The following SCARA5 variants were observed in gnomAD, a reference collection of about 807,000 sequenced individuals.
SCARA5 encodes the protein scavenger receptor class A, member 5 (putative).
Under a neutral mutation model 46.3 loss-of-function variants are expected in SCARA5, and 45 were observed. That is an observed-to-expected ratio of 0.97 (90% CI 0.76 to 1.24). The LOEUF (loss-of-function observed/expected upper bound fraction) is 1.24. Ranked by LOEUF, SCARA5 falls within the 50% of genes most tolerant of loss-of-function variation. The pLI, the probability that SCARA5 is intolerant of heterozygous loss-of-function variation, is 0.00. For missense variants in SCARA5, 680 were observed against 689.0 expected (o/e 0.99, Z 0.15); for synonymous variants, 333 against 306.5 (o/e 1.09, Z -0.90).
At chr8:27,879,498 C>A in intron 8 of SCARA5, 71 bp downstream of exon 8, 1 of 1,464,710 alleles carries the variant, frequency 6.8e-7, no homozygotes, top group Admixed American at 1.7e-5. Context: ...GGGACTCGGG[C>A]TTTGGAGGTG....
rs61737292 is a variant in SCARA5, at chr8:27,922,095, G to A, written c.392C>T (p.Ala131Val). The change falls in exon 4 of 9, where the codon GCG becomes GTG. Residue 131 changes from alanine (A) to valine (V), a missense_variant. Ala to Val is a moderately conservative substitution (Grantham distance 64, BLOSUM62 0). Transcript: ENST00000354914. ...LTEQVWKVQD[A>V]LQNQSDSLLA... The stretch of plus-strand genomic sequence containing the variant: ...CAACGAGTCTGACTGGTTCTGCAGC[G>A]CGTCCTGCACCTTCCACACCTGCTC... 4.1e-3 allele frequency: 6,607 copies of A among 1,602,548 alleles called. 224 individuals carry two copies. The African/African-American group carries it at 0.078, about 19-fold the overall frequency.
intron 7 of SCARA5, among the ~76,000 whole-genome samples, chr8:27,898,039 G>A (rs1004728894): frequency 6.6e-6 from 1 of 152,192 alleles, no homozygotes; most frequent in East Asian, 1.9e-4. Flanking sequence ...CTCTGGCCAG[G>A]GATGCTGAAA....
rs1489036187 is a variant in SCARA5 at position 27,871,120 on chromosome 8, A to T, written c.*814T>A. On this transcript the variant is annotated 3_prime_UTR_variant, in exon 9 of 9. Coordinates refer to ENST00000354914, the MANE Select transcript of SCARA5 (RefSeq NM_173833.6). ...TAGCTCAGGCCAAGTAAAGACAATAAGTTCAGGTGGGCACACGGTCTCAGT... is the reference window on the plus strand; with the variant it reads ...TAGCTCAGGCCAAGTAAAGACAATATGTTCAGGTGGGCACACGGTCTCAGT... 1 of 152,232 alleles carries T rather than the reference A, an allele frequency of 6.6e-6. No homozygotes were observed. Among genetic ancestry groups the T allele is most frequent in the Non-Finnish European group, 1.5e-5 (1 of 68,078 alleles). 9.4% of individuals were successfully genotyped at this position (152,232 alleles called of 1,614,324 possible). A position where few individuals can be genotyped will look rare whatever the true frequency, so the allele number is the denominator to read the frequency against.
At chr8:27,921,407 A>G (rs10089090) in intron 4 of SCARA5, among the ~76,000 whole-genome samples, 164 bp downstream of exon 4, 87,757 of 151,728 alleles carry the variant, frequency 0.58, 26,539 homozygotes, top group Middle Eastern at 0.73. Context: ...AGAAAATTCC[A>G]GAGTCCTGTA....
chr8:27,945,690 C>T (rs1189537407), intron 3 of SCARA5, among the ~76,000 whole-genome samples: 1 of 152,200 alleles, frequency 6.6e-6, no homozygotes, highest in Non-Finnish European at 1.5e-5. Context: ...CTTGGTCCCC[C>T]TATAGCACCC....
intron 7 of SCARA5, 92 bp from the exon 8 acceptor site, chr8:27,879,858 G>T: frequency 8.1e-7 from 1 of 1,228,124 alleles, no homozygotes. Flanking sequence ...CCCTGGGTAG[G>T]AGGAAGAGAG....
At chr8:27,985,422 G>A (rs183183202) in intron 2 of SCARA5, among the ~76,000 whole-genome samples, 2 of 152,308 alleles carry the variant, frequency 1.3e-5, no homozygotes, top group African/African-American at 4.8e-5. Flanking sequence ...AGGACCTCTT[G>A]GGCACATTGT....
chr8:27,921,211 C>T (rs1435162611), intron 4 of SCARA5, among the ~76,000 whole-genome samples: 4 of 152,218 alleles, frequency 2.6e-5, no homozygotes, highest in Non-Finnish European at 5.9e-5. Context: ...TTGTTCTGCC[C>T]CCAGCCTCAA....
At chr8:27,925,838 A>G (rs1372285725) in intron 3 of SCARA5, among the ~76,000 whole-genome samples, 1 of 152,252 alleles carries the variant, frequency 6.6e-6, no homozygotes, top group Non-Finnish European at 1.5e-5. Flanking sequence ...GCCAACAGAC[A>G]GGTGAAAAAA....
In SCARA5 at chr8:27,879,688, T is replaced by C; in HGVS notation, c.1232A>G (p.Asp411Gly). The C allele has an allele frequency of 6.2e-7, 1 of 1,613,060 alleles. No homozygotes were observed. The highest frequency in any genetic ancestry group is 8.5e-7 in the Non-Finnish European group (1 of 1,180,016). The change falls in exon 8 of 9, where the codon GAC (aspartate) becomes GGC (glycine). Residue 411 changes from aspartate to glycine, a missense_variant. Coordinates refer to ENST00000354914, the MANE Select transcript of SCARA5 (RefSeq NM_173833.6). ...GTCACACACGGTGCCCCAACGCCGG[T>C]CGTGGTACACTTCCACGCGGCCCTC... ...PHEGRVEVYH[D>G]RRWGTVCDDG...
intron 2 of SCARA5, among the ~76,000 whole-genome samples, chr8:27,983,364 A>G (rs2129978440): frequency 6.6e-6 from 1 of 152,304 alleles, no homozygotes; most frequent in South Asian, 2.1e-4. Flanking sequence ...CATCGTGAAC[A>G]GAGCTTTTCC....
chr8:27,947,534 A>C (rs766700052), intron 3 of SCARA5, among the ~76,000 whole-genome samples: 1 of 152,210 alleles, frequency 6.6e-6, no homozygotes, highest in Non-Finnish European at 1.5e-5. Flanking sequence ...GCAATGAAAT[A>C]GTATTTAGCC....
intron 3 of SCARA5, among the ~76,000 whole-genome samples, chr8:27,964,589 T>G (rs773604726): frequency 2.0e-5 from 3 of 152,210 alleles, no homozygotes; most frequent in Non-Finnish European, 4.4e-5. Flanking sequence ...AAACTGTCCT[T>G]TATTTTGAAT....
At chr8:27,975,456 C>T (rs548806313) in intron 2 of SCARA5, among the ~76,000 whole-genome samples, 1 of 152,260 alleles carries the variant, frequency 6.6e-6, no homozygotes, top group South Asian at 2.1e-4. Flanking sequence ...GCCAGTCAAT[C>T]AAAGGAAGTG....
At chr8:27,987,774 C>T in intron 1 of SCARA5, 144 bp from the exon 2 acceptor site, 1 of 606,144 alleles carries the variant, frequency 1.6e-6, no homozygotes, top group Non-Finnish European at 3.0e-6. Context: ...ACCCTCTGCT[C>T]ATCACCAGGA....
Position 27,907,183 on chromosome 8 carries a change from C to A in SCARA5, c.1061G>T (p.Gly354Val). The change falls in exon 6 of 9, where the codon GGG (glycine) becomes GTG (valine). Residue 354 changes from glycine (G) to valine (V), a missense_variant. Gly to Val is a moderately radical substitution (Grantham distance 109, BLOSUM62 -3). This residue lies in a region of SCARA5 where 219 missense variants were observed against 269.5 expected (regional missense o/e 0.81). Coordinates refer to ENST00000354914, the MANE Select transcript of SCARA5 (RefSeq NM_173833.6). ...PGPKGDDGKL[G>V]ATGPMGMRGF... ...ACGCATGCCCATTGGTCCTGTGGCC[C>A]CCAGCTTCCCATCATCGCCCTTGGG... is the stretch of plus-strand genomic sequence containing the variant. 6.2e-7 allele frequency: 1 copy of A among 1,613,692 alleles called. No individual in the cohort carries two copies. Among genetic ancestry groups the A allele is most frequent in the Non-Finnish European group, 8.5e-7 (1 of 1,179,846 alleles).
intron 2 of SCARA5, among the ~76,000 whole-genome samples, chr8:27,971,647 C>A (rs1219313333): frequency 6.6e-6 from 1 of 152,206 alleles, no homozygotes; most frequent in Non-Finnish European, 1.5e-5. Flanking sequence ...TTGCAGTGGC[C>A]TCCAGAAGTG....
At chr8:27,920,761 C>T (rs1807569833) in intron 4 of SCARA5, among the ~76,000 whole-genome samples, 1 of 152,034 alleles carries the variant, frequency 6.6e-6, no homozygotes, top group African/African-American at 2.4e-5. Context: ...GCCATGATCA[C>T]ATCACTGCCC....
intron 2 of SCARA5, among the ~76,000 whole-genome samples, chr8:27,973,286 G>T (rs1808474754): frequency 6.6e-6 from 1 of 152,020 alleles, no homozygotes; most frequent in Non-Finnish European, 1.5e-5. Context: ...AGACCAGCCT[G>T]GCCAACATGA....
Sources: allele counts gnomAD v4.1 joint callset (sites outside exome capture counted in the v4.1 genomes callset), GRCh38; gene constraint gnomAD v4.1.1; regional missense constraint gnomAD v4.1.1; transcripts MANE v1.5; gene names NCBI Gene and HGNC (gene_info 2026-07-23, HGNC 2026-07-21).